PSD3: variants seen among roughly 807,000 people sequenced by gnomAD.
PSD3 encodes the protein PH and SEC7 domain-containing protein 3.
In PSD3, 49 loss-of-function variants were observed where a neutral mutation model predicts 105.5. The ratio of observed to expected loss-of-function variants is 0.46; its 90% CI spans 0.37 to 0.59. The LOEUF (loss-of-function observed/expected upper bound fraction) is 0.59, where lower values mean the gene tolerates loss of function less well. PSD3 is among the 20% of genes least tolerant of loss of function. The probability of loss-of-function intolerance (pLI) is 0.00; values close to 1 mark genes in which losing one functional copy is unlikely to be tolerated. For synonymous variants in PSD3, 557 were observed against 457.8 expected (o/e 1.22, Z -2.77); for missense variants, 1,561 against 1,263.8 (o/e 1.24, Z -3.57).
chr8:18,722,356 G>A (rs1020809630), intron 9 of PSD3, among the ~76,000 whole-genome samples: 2 of 152,060 alleles, frequency 1.3e-5, no homozygotes, highest in African/African-American at 2.4e-5. Context: ...GAATAAAAGA[G>A]TTAAATCAGA....
intron 1 of PSD3, among the ~76,000 whole-genome samples, chr8:19,051,751 C>T (rs888601366): frequency 3.9e-5 from 6 of 152,194 alleles, no homozygotes; most frequent in African/African-American, 1.4e-4. Context: ...GCAGGGGTTA[C>T]ATTTGGTTCA....
intron 9 of PSD3, among the ~76,000 whole-genome samples, chr8:18,725,534 C>T (rs1803284839): frequency 6.6e-6 from 1 of 152,060 alleles, no homozygotes; most frequent in African/African-American, 2.4e-5. Flanking sequence ...TTTCTATCAC[C>T]CTCCCACCTC....
intron 1 of PSD3, chr8:19,084,109 G>C (rs1038487720): frequency 5.4e-6 from 2 of 370,970 alleles, no homozygotes; most frequent in Non-Finnish European, 1.1e-5. Context: ...CATCTAAGCA[G>C]AGGAGAGAAC....
chr8:19,074,153 A>G (rs1191062483), intron 1 of PSD3, among the ~76,000 whole-genome samples: 1 of 152,182 alleles, frequency 6.6e-6, no homozygotes, highest in Non-Finnish European at 1.5e-5. Flanking sequence ...CATCCAAAGC[A>G]GTATCCCCAA....
chr8:18,938,785 A>G (rs1822328568), intron 1 of PSD3, among the ~76,000 whole-genome samples: 2 of 152,174 alleles, frequency 1.3e-5, no homozygotes, highest in African/African-American at 4.8e-5. Flanking sequence ...TGTCATCCCC[A>G]TCTTATAGGT....
intron 2 of PSD3, among the ~76,000 whole-genome samples, chr8:18,904,582 G>A (rs1419975256): frequency 6.6e-6 from 1 of 152,176 alleles, no homozygotes; most frequent in African/African-American, 2.4e-5. Flanking sequence ...AAATGGTAAT[G>A]TGTACCCAAT....
At chr8:18,854,709 A>T (rs2129453243) in intron 4 of PSD3, among the ~76,000 whole-genome samples, 1 of 152,310 alleles carries the variant, frequency 6.6e-6, no homozygotes, top group Admixed American at 6.5e-5. Context: ...TATTATACAC[A>T]ATTTAGCTCT....
intron 9 of PSD3, among the ~76,000 whole-genome samples, chr8:18,689,834 T>C (rs929503433): frequency 3.9e-5 from 6 of 152,202 alleles, no homozygotes; most frequent in South Asian, 2.1e-4. Flanking sequence ...TTTGGACTTA[T>C]TATTAGAGCT....
chr8:18,820,260 A>G (rs1812584859), intron 4 of PSD3, among the ~76,000 whole-genome samples: 2 of 150,824 alleles, frequency 1.3e-5, no homozygotes, highest in Non-Finnish European at 1.5e-5. Context: ...CAGAAAATAT[A>G]TGAAAATATA....
At chr8:18,608,050 G>A (rs1221061728) in intron 11 of PSD3, among the ~76,000 whole-genome samples, 4 of 152,258 alleles carry the variant, frequency 2.6e-5, no homozygotes, top group African/African-American at 4.8e-5. Flanking sequence ...TGAGATTTGG[G>A]TGGGGACACA....
At position 19,053,661 on chromosome 8, in the gene PSD3, G is replaced by A. The variant is rs1828605885; in HGVS notation, c.324+30545C>T. Among the ~76,000 whole-genome samples, 4 of 151,988 alleles carry A rather than the reference G, an allele frequency of 2.6e-5. 1 individual carries two copies. In the South Asian group the frequency reaches 8.3e-4, roughly 32 times the overall value. On this transcript the variant is annotated intron_variant, in intron 1 of 1. Transcript: ENST00000521475. ...AAAAATTAGCTAGGTGGGTGGTGGT[G>A]GGCGCCTGTAGTCCCAGCTACTCAG...
intron 9 of PSD3, among the ~76,000 whole-genome samples, chr8:18,756,150 CTACCAGGT>C (rs1479980879): frequency 1.3e-5 from 2 of 152,158 alleles, no homozygotes; most frequent in African/African-American, 4.8e-5. Context: ...GATACTGTTG[CTACCAGGT>C]TTCCATGACC....
intron 4 of PSD3, among the ~76,000 whole-genome samples, chr8:18,836,289 T>A (rs1369590689): frequency 6.6e-6 from 1 of 152,208 alleles, no homozygotes; most frequent in African/African-American, 2.4e-5. Flanking sequence ...GCTCAGGTGT[T>A]CCCTACAGTT....
intron 12 of PSD3, among the ~76,000 whole-genome samples, chr8:18,589,648 T>C (rs527957841): frequency 6.6e-6 from 1 of 152,328 alleles, no homozygotes; most frequent in South Asian, 2.1e-4. Context: ...ATGAAAGATA[T>C]GGGTTTCCAG....
At chr8:18,693,587 C>T (rs1185143633) in intron 9 of PSD3, among the ~76,000 whole-genome samples, 1 of 152,154 alleles carries the variant, frequency 6.6e-6, no homozygotes, top group African/African-American at 2.4e-5. Context: ...GCCATGTGAC[C>T]TAAGCCCGGC....
At chr8:18,745,262 G>T (rs1325563200) in intron 9 of PSD3, among the ~76,000 whole-genome samples, 1 of 151,892 alleles carries the variant, frequency 6.6e-6, no homozygotes, top group Non-Finnish European at 1.5e-5. Context: ...TCCTTCAATG[G>T]CTCTATCAAC....
At chr8:18,621,443 C>T (rs905820860) in intron 11 of PSD3, among the ~76,000 whole-genome samples, 7 of 152,212 alleles carry the variant, frequency 4.6e-5, no homozygotes, top group Non-Finnish European at 7.4e-5. Flanking sequence ...AGAATGATGG[C>T]GGAGGACCTC....
chr8:18,948,044 C>G (rs1438523026), intron 1 of PSD3, among the ~76,000 whole-genome samples: 1 of 152,144 alleles, frequency 6.6e-6, no homozygotes, highest in Non-Finnish European at 1.5e-5. Flanking sequence ...ACAGCATATC[C>G]TCCGCCTTTG....
chr8:18,828,067 A>ATATT lies in PSD3; in HGVS notation c.1635-23170_1635-23169insAATA, dbSNP rs371473289. 3.0e-3 allele frequency among the ~76,000 whole-genome samples: 351 copies of ATATT among 118,864 alleles called. 4 individuals are homozygous for ATATT. Among genetic ancestry groups the ATATT allele is most frequent in the Admixed American group, 0.013 (151 of 11,612 alleles). The allele number at this position is 118,864 out of a possible 152,430, so 78.0% of individuals were successfully genotyped here. ...TATATGTATATATATATATATATAT[A>ATATT]TTTTTTTTTTTTTACAAAAAAAATG... On this transcript the variant is annotated intron_variant, in intron 4 of 15. Transcript: ENST00000327040.
Sources: gnomAD v4.1 joint callset for allele counts (sites outside exome capture counted in the v4.1 genomes callset) on GRCh38, gnomAD v4.1.1 for gene constraint, MANE v1.5 for transcripts, NCBI Gene and HGNC (gene_info 2026-07-23, HGNC 2026-07-21) for gene names.